Variants in TUBA1A observed in about 807,000 individuals in gnomAD.
The protein encoded by TUBA1A is tubulin alpha 1a, also known as tubulin alpha-1A chain.
TUBA1A carries 7 observed loss-of-function variants against 34.6 expected under a neutral mutation model. That is an observed-to-expected ratio of 0.20 (90% CI 0.11 to 0.38). The LOEUF (loss-of-function observed/expected upper bound fraction) is 0.38. Ranked by LOEUF, TUBA1A falls within the 10% of genes least tolerant of loss-of-function variation. The pLI, the probability that TUBA1A is intolerant of heterozygous loss-of-function variation, is 1.00. For synonymous variants in TUBA1A, 193 were observed against 210.2 expected, an observed-to-expected ratio of 0.92 and a Z score of 0.71; for missense variants, 19 against 581.3, an observed-to-expected ratio of 0.03 and a Z score of 9.95.
chr12:49,188,791 G>T lies in TUBA1A; in HGVS notation c.3+186C>A. On this transcript the variant is annotated intron_variant, in intron 1 of 3. Coordinates refer to ENST00000301071, the MANE Select transcript of TUBA1A (RefSeq NM_006009.4). This position sits in a 1 kb window ranked among gnomAD's most constrained non-coding sequence, Gnocchi z 4.9. ...TGCGCCCTGGGCGCAGTACTGGCCC[G>T]GTTCCTGCACCCGCACTGCGGCGGC... The T allele has an allele frequency of 6.3e-7, 1 of 1,588,214 alleles. No homozygotes were observed. Among genetic ancestry groups the T allele is most frequent in the Non-Finnish European group, 8.5e-7 (1 of 1,174,516 alleles).
At position 49,188,498 on chromosome 12, in the gene TUBA1A, G is replaced by A. The variant is rs1287633144; in HGVS notation, c.3+479C>T. ...TCTTCCCACGCTAACCCTAGGCTGCGCTTTGTTCCCGTTCCCCCTCCCACG... is the reference window on the plus strand; with the variant it reads ...TCTTCCCACGCTAACCCTAGGCTGCACTTTGTTCCCGTTCCCCCTCCCACG... On this transcript the variant is annotated intron_variant, in intron 1 of 3. Coordinates refer to ENST00000301071, the MANE Select transcript of TUBA1A (RefSeq NM_006009.4). The surrounding 1 kb of genome is among the most constrained non-coding windows in gnomAD (Gnocchi z 4.9). The A allele has an allele frequency of 3.3e-6, 5 of 1,526,390 alleles. No individual in the cohort carries two copies. Among genetic ancestry groups the A allele is most frequent in the Non-Finnish European group, 4.4e-6 (5 of 1,140,384 alleles). 94.6% of individuals were successfully genotyped at this position (1,526,390 alleles called of 1,614,324 possible). A position where few individuals can be genotyped will look rare whatever the true frequency, so the allele number is the denominator to read the frequency against.
intron 1 of TUBA1A, 200 bp from the exon 2 acceptor site, chr12:49,187,033 C>T (rs1942190246): frequency 3.4e-6 from 5 of 1,451,184 alleles, no homozygotes; most frequent in Non-Finnish European, 3.6e-6. Context: ...ATAATGATGT[C>T]GCCTTGGCCC....
In TUBA1A at chr12:49,188,452, A is replaced by C. The variant is rs1942210673; in HGVS notation, c.3+525T>G. The C allele has an allele frequency of 6.5e-7, 1 of 1,535,630 alleles. No homozygotes were observed. On this transcript the variant is annotated intron_variant, in intron 1 of 3. Coordinates refer to ENST00000301071, the MANE Select transcript of TUBA1A (RefSeq NM_006009.4). The surrounding 1 kb of genome is among the most constrained non-coding windows in gnomAD (Gnocchi z 4.9). ...CGGGAATGTGTGGGTATCTTTCCAA[A>C]ACGCCAAAGACCGCGGAGGGTCTTC...
In TUBA1A at chr12:49,186,738, A is replaced by G; in HGVS notation, c.99T>C (p.Asp33=). 1 of 1,614,216 alleles carries G rather than the reference A, an allele frequency of 6.2e-7. No individual in the cohort carries two copies. Among genetic ancestry groups the G allele is most frequent in the East Asian group, 2.2e-5 (1 of 44,884 alleles). Residue 33 remains aspartate, a synonymous_variant, in exon 2 of 4, where the codon GAT becomes GAC. Transcript: ENST00000301071. This position sits in a 1 kb window ranked among gnomAD's most constrained non-coding sequence, Gnocchi z 6.6. The stretch of plus-strand genomic sequence containing the variant: ...TGGTCTTGTCACTTGGCATCTGGCC[A>G]TCGGGCTGGATGCCGTGTTCCAGGC... ...LYCLEHGIQP[D]GQMPSDKTIG...
rs1942177394 is a variant in TUBA1A at position 49,186,098 on chromosome 12, AT to A, written c.376-109del. On this transcript the variant is annotated intron_variant, in intron 3 of 3. Coordinates refer to ENST00000301071, the MANE Select transcript of TUBA1A (RefSeq NM_006009.4). The surrounding 1 kb of genome is among the most constrained non-coding windows in gnomAD (Gnocchi z 6.6). ...ATACATCTTCCAGGACTTAGATCTTATTTTGACAAATGCTTTTTAAAAAATT... is the reference window on the plus strand; with the variant it reads ...ATACATCTTCCAGGACTTAGATCTTATTTGACAAATGCTTTTTAAAAAATT... 6.5e-7 allele frequency: 1 copy of A among 1,533,200 alleles called. No individual in the cohort carries two copies. Among genetic ancestry groups the A allele is most frequent in the African/African-American group, 1.4e-5 (1 of 71,584 alleles). 95.0% of individuals were successfully genotyped at this position (1,533,200 alleles called of 1,614,324 possible).
Position 49,186,533 on chromosome 12 carries a change from T to A in TUBA1A, c.227-75A>T, listed in dbSNP as rs1942183289. 1 of 1,611,740 alleles carries A rather than the reference T, an allele frequency of 6.2e-7. No individual in the cohort carries two copies. The highest frequency in any genetic ancestry group is 1.7e-4 in the Middle Eastern group (1 of 6,030). ...GGAGCGGGGAGGGAGAGTGGGTGAG[T>A]GACCAGCGGAGCCCCCCAGGACAGA... is the stretch of plus-strand genomic sequence containing the variant. On this transcript the variant is annotated intron_variant, in intron 2 of 3. Coordinates refer to ENST00000301071, the MANE Select transcript of TUBA1A (RefSeq NM_006009.4). This position sits in a 1 kb window ranked among gnomAD's most constrained non-coding sequence, Gnocchi z 6.6.
In TUBA1A at chr12:49,189,053, C is replaced by A. The variant is rs554470192; in HGVS notation, c.-74G>T. The A allele has an allele frequency of 5.6e-5, 89 of 1,602,448 alleles. No homozygotes were observed. The East Asian group carries it at 2.0e-3, about 36-fold the overall frequency. On this transcript the variant is annotated 5_prime_UTR_variant, in exon 1 of 4. Transcript: ENST00000301071. ...GGTTGTTGCTTCTTACAGCGCGACT[C>A]TTAGGCGGTCGATGTAAGAGAACCT...
chr12:49,187,876 T>C, intron 1 of TUBA1A: 1 of 983,606 alleles, frequency 1.0e-6, no homozygotes, highest in Non-Finnish European at 1.2e-6. Flanking sequence ...GGGCTACCAC[T>C]TTCATTGTCT....
intron 1 of TUBA1A, chr12:49,187,414 C>T: frequency 1.0e-6 from 1 of 990,732 alleles, no homozygotes; most frequent in East Asian, 1.1e-4. Flanking sequence ...CATTATTTAA[C>T]AGAGCAAGCT....
chr12:49,189,029 G>A lies in TUBA1A; in HGVS notation c.-50C>T. 1 of 1,613,060 alleles carries A rather than the reference G, an allele frequency of 6.2e-7. No individual in the cohort carries two copies. The highest frequency in any genetic ancestry group is 8.5e-7 in the Non-Finnish European group (1 of 1,179,032). On this transcript the variant is annotated 5_prime_UTR_variant, in exon 1 of 4. Coordinates refer to ENST00000301071, the MANE Select transcript of TUBA1A (RefSeq NM_006009.4). ...CTGATGGCGGAGACGAAGAGGAGAG[G>A]TTGTTGCTTCTTACAGCGCGACTCT...
At position 49,188,750 on chromosome 12, in the gene TUBA1A, C is replaced by T; in HGVS notation, c.3+227G>A. On this transcript the variant is annotated intron_variant, in intron 1 of 3. Transcript: ENST00000301071. This position sits in a 1 kb window ranked among gnomAD's most constrained non-coding sequence, Gnocchi z 4.9. ...AGGCGCCTAGGCGCCGCCTTTGTTC[C>T]TCCCCAGCGCTCTGCTGCGCCCTGG... The T allele has an allele frequency of 6.7e-7, 1 of 1,482,008 alleles. No individual in the cohort carries two copies. 91.8% of individuals were successfully genotyped at this position (1,482,008 alleles called of 1,614,324 possible).
chr12:49,187,489 C>A, intron 1 of TUBA1A: 1 of 985,964 alleles, frequency 1.0e-6, no homozygotes, highest in South Asian at 4.7e-5. Flanking sequence ...CCTCTGACCC[C>A]GCCCGGGACC....
Position 49,188,948 on chromosome 12 carries a change from G to C in TUBA1A, c.3+29C>G. Reference sequence around the variant, plus strand: ...CCTGGGGGCGCTGACTCCACCCAACGGCCACAAAGAGCCGAAGCCGATTCT... The same window carrying C: ...CCTGGGGGCGCTGACTCCACCCAACCGCCACAAAGAGCCGAAGCCGATTCT... On this transcript the variant is annotated intron_variant, in intron 1 of 3. Coordinates refer to ENST00000301071, the MANE Select transcript of TUBA1A (RefSeq NM_006009.4). This position sits in a 1 kb window ranked among gnomAD's most constrained non-coding sequence, Gnocchi z 4.9. The C allele has an allele frequency of 1.1e-5, 17 of 1,614,180 alleles. No homozygotes were observed. The highest frequency in any genetic ancestry group is 1.4e-5 in the Non-Finnish European group (16 of 1,180,038).
Position 49,188,732 on chromosome 12 carries a change from T to C in TUBA1A, c.3+245A>G. 1 of 1,455,120 alleles carries C rather than the reference T, an allele frequency of 6.9e-7. No individual in the cohort carries two copies. Among genetic ancestry groups the C allele is most frequent in the East Asian group, 2.5e-5 (1 of 40,420 alleles). The allele number at this position is 1,455,120 out of a possible 1,614,324, so 90.1% of individuals were successfully genotyped here. A position where few individuals can be genotyped will look rare whatever the true frequency, so the allele number is the denominator to read the frequency against. ...AAGTCTCTCGGATAACACAGGCGCC[T>C]AGGCGCCGCCTTTGTTCCTCCCCAG... On this transcript the variant is annotated intron_variant, in intron 1 of 3. Coordinates refer to ENST00000301071, the MANE Select transcript of TUBA1A (RefSeq NM_006009.4). The surrounding 1 kb of genome is among the most constrained non-coding windows in gnomAD (Gnocchi z 4.9).
chr12:49,187,696 T>C (rs1942197758), intron 1 of TUBA1A: 1 of 975,270 alleles, frequency 1.0e-6, no homozygotes, highest in Non-Finnish European at 1.2e-6. Context: ...GTTCCTAAGT[T>C]AGAAACAAGC....
Position 49,189,041 on chromosome 12 carries a change from T to TA in TUBA1A, c.-63dup. The TA allele has an allele frequency of 1.9e-6, 3 of 1,610,864 alleles. No homozygotes were observed. Among genetic ancestry groups the TA allele is most frequent in the Non-Finnish European group, 2.5e-6 (3 of 1,177,054 alleles). On this transcript the variant is annotated 5_prime_UTR_variant, in exon 1 of 4. Coordinates refer to ENST00000301071, the MANE Select transcript of TUBA1A (RefSeq NM_006009.4). ...ACGAAGAGGAGAGGTTGTTGCTTCTTACAGCGCGACTCTTAGGCGGTCGAT... is the reference window on the plus strand; with the variant it reads ...ACGAAGAGGAGAGGTTGTTGCTTCTTAACAGCGCGACTCTTAGGCGGTCGAT...
chr12:49,185,019 C>T lies in TUBA1A; in HGVS notation c.1347G>A (p.Glu449=), dbSNP rs200873943. 4.2e-5 allele frequency: 68 copies of T among 1,613,934 alleles called. No individual in the cohort carries two copies. Among genetic ancestry groups the T allele is most frequent in the Non-Finnish European group, 5.5e-5 (65 of 1,179,974 alleles). ...SVEGEGEEEG[E]EY ...TTGTGACGTTTTAACTTTAGTATTC[C>T]TCTCCTTCTTCCTCACCCTCTCCTT... The change falls in exon 4 of 4, where the codon GAG becomes GAA. Residue 449 remains glutamate, a synonymous_variant. Coordinates refer to ENST00000301071, the MANE Select transcript of TUBA1A (RefSeq NM_006009.4).
chr12:49,186,127 C>T lies in TUBA1A; in HGVS notation c.376-137G>A. 6.6e-7 allele frequency: 1 copy of T among 1,520,282 alleles called. No homozygotes were observed. The highest frequency in any genetic ancestry group is 8.9e-7 in the Non-Finnish European group (1 of 1,129,866). 94.2% of individuals were successfully genotyped at this position (1,520,282 alleles called of 1,614,324 possible). A position where few individuals can be genotyped will look rare whatever the true frequency, so the allele number is the denominator to read the frequency against. ...TGACAAATGCTTTTTAAAAAATTCT[C>T]ATTAACATTTACAAAATGACATCAA... On this transcript the variant is annotated intron_variant, in intron 3 of 3. Coordinates refer to ENST00000301071, the MANE Select transcript of TUBA1A (RefSeq NM_006009.4). This position sits in a 1 kb window ranked among gnomAD's most constrained non-coding sequence, Gnocchi z 6.6.
chr12:49,187,464 T>C, intron 1 of TUBA1A: 1 of 986,624 alleles, frequency 1.0e-6, no homozygotes, highest in Non-Finnish European at 1.2e-6. Flanking sequence ...ATTGTGCTGT[T>C]TTGCCAGTTT....
Sources: allele counts gnomAD v4.1 joint callset, GRCh38; gene constraint gnomAD v4.1.1; non-coding constraint Gnocchi (gnomAD v3.1); transcripts MANE v1.5; gene names NCBI Gene and HGNC (gene_info 2026-07-23, HGNC 2026-07-21).